The following KCNB2 variants were observed in gnomAD, a reference collection of about 807,000 sequenced individuals.
KCNB2 encodes the protein potassium voltage-gated channel subfamily B member 2.
In KCNB2, 15 loss-of-function variants were observed where a neutral mutation model predicts 61.5. The ratio of observed to expected loss-of-function variants is 0.24; its 90% CI spans 0.16 to 0.38. KCNB2 has a LOEUF of 0.38. Ranked by LOEUF, KCNB2 falls within the 10% of genes least tolerant of loss-of-function variation. KCNB2 has a pLI of 1.00. For missense variants in KCNB2, 828 were observed against 1,125.2 expected, an observed-to-expected ratio of 0.74 and a Z score of 3.78; for synonymous variants, 457 against 446.0, an observed-to-expected ratio of 1.02 and a Z score of -0.31.
intron 2 of KCNB2, among the ~76,000 whole-genome samples, chr8:72,828,804 C>T (rs1809641697): frequency 6.6e-6 from 1 of 152,198 alleles, no homozygotes; most frequent in African/African-American, 2.4e-5. Flanking sequence ...GTAAAACACA[C>T]ACTAGTAGTA....
intron 2 of KCNB2, among the ~76,000 whole-genome samples, chr8:72,656,708 A>G (rs968734401): frequency 1.3e-5 from 2 of 152,168 alleles, no homozygotes; most frequent in Admixed American, 1.3e-4. Context: ...AGGAAGTTTC[A>G]TGTTAAGGAA....
chr8:72,543,556 G>A (rs916001465), intron 1 of KCNB2, among the ~76,000 whole-genome samples: 4 of 152,216 alleles, frequency 2.6e-5, no homozygotes, highest in Admixed American at 6.5e-5. Context: ...CAGCATGATA[G>A]CTGGTGACAT....
chr8:72,930,575 G>T (rs1196179034), intron 2 of KCNB2, among the ~76,000 whole-genome samples: 7 of 152,138 alleles, frequency 4.6e-5, no homozygotes, highest in Non-Finnish European at 7.3e-5. Context: ...TCATGTGTCT[G>T]TTGGCTGCAT....
chr8:72,892,047 C>T (rs1018982121), intron 2 of KCNB2, among the ~76,000 whole-genome samples: 20 of 152,144 alleles, frequency 1.3e-4, no homozygotes, highest in African/African-American at 4.3e-4. Context: ...GGAGGGAAGC[C>T]GAAGATATTG....
intron 2 of KCNB2, among the ~76,000 whole-genome samples, chr8:72,920,488 T>TATA (rs57048446): frequency 1.2e-4 from 16 of 137,240 alleles, no homozygotes; most frequent in South Asian, 2.3e-4. Context: ...TATATATATA[T>TATA]TAGCTGGCCA....
intron 2 of KCNB2, among the ~76,000 whole-genome samples, chr8:72,763,548 A>G (rs1489139860): frequency 6.6e-6 from 1 of 152,200 alleles, no homozygotes; most frequent in Admixed American, 6.5e-5. Context: ...GCTGAAACAC[A>G]AAACCCAAGG....
chr8:72,732,898 C>T (rs58836193), intron 2 of KCNB2, among the ~76,000 whole-genome samples: 3,699 of 152,168 alleles, frequency 0.024, 63 homozygotes, highest in South Asian at 0.075. Flanking sequence ...TGGCTCACCT[C>T]TCTCCCCAAC....
intron 2 of KCNB2, among the ~76,000 whole-genome samples, chr8:72,914,855 C>T (rs143629161): frequency 1.1e-4 from 16 of 151,424 alleles, no homozygotes; most frequent in East Asian, 3.9e-4. Context: ...CATATCCTGA[C>T]GATTGAGGAG....
chr8:72,893,439 A>T (rs1160816844), intron 2 of KCNB2, among the ~76,000 whole-genome samples: 2 of 151,978 alleles, frequency 1.3e-5, no homozygotes, highest in South Asian at 4.1e-4. Flanking sequence ...CTATTTTAAT[A>T]AAAAAAACTT....
intron 2 of KCNB2, among the ~76,000 whole-genome samples, chr8:72,848,538 A>T (rs1309674168): frequency 2.0e-5 from 3 of 152,172 alleles, no homozygotes; most frequent in Non-Finnish European, 2.9e-5. Context: ...CTGTAAAGGA[A>T]ACTCTAAATG....
chr8:72,568,940 T>C (rs552612068), intron 2 of KCNB2, among the ~76,000 whole-genome samples: 1 of 152,222 alleles, frequency 6.6e-6, no homozygotes, highest in Admixed American at 6.5e-5. Context: ...TTTTTACAAT[T>C]GAGGTATTAC....
intron 2 of KCNB2, among the ~76,000 whole-genome samples, chr8:72,834,344 G>A (rs2958416): frequency 0.3 from 45,311 of 151,956 alleles, 9,127 homozygotes; most frequent in African/African-American, 0.56. Context: ...TTGGAGAACC[G>A]TTGCTACAGG....
chr8:72,937,239 C>G lies in KCNB2; in HGVS notation c.1884C>G (p.His628Gln), dbSNP rs528752259. 2 of 1,614,086 alleles carry G rather than the reference C, an allele frequency of 1.2e-6. No homozygotes were observed. The highest frequency in any genetic ancestry group is 2.7e-5 in the African/African-American group (2 of 75,046). Residue 628 changes from histidine (H) to glutamine (Q), a missense_variant, in exon 3 of 3, where the codon CAC becomes CAG. Coordinates refer to ENST00000523207, the MANE Select transcript of KCNB2 (RefSeq NM_004770.3). ...CGCTGCCGCCGCCCTCCGCCTCTCACTTGCAGATGAAGTTCCCAACCGACC... is the reference window on the plus strand; with the variant it reads ...CGCTGCCGCCGCCCTCCGCCTCTCAGTTGCAGATGAAGTTCCCAACCGACC... The part of the protein sequence containing the change: ...RSPLPPPSAS[H>Q]LQMKFPTDLP...
At chr8:72,619,044 C>A in intron 2 of KCNB2, 1 of 307,034 alleles carries the variant, frequency 3.3e-6, no homozygotes, top group Non-Finnish European at 6.4e-6. Context: ...GACTTTGACC[C>A]TTTCCAAAGA....
chr8:72,913,557 A>G (rs1180064148), intron 2 of KCNB2, among the ~76,000 whole-genome samples: 1 of 152,220 alleles, frequency 6.6e-6, no homozygotes, highest in Admixed American at 6.5e-5. Flanking sequence ...CTGGAGTCCT[A>G]CATTCCTCTC....
chr8:72,710,444 A>G (rs998609429), intron 2 of KCNB2, among the ~76,000 whole-genome samples: 3 of 152,050 alleles, frequency 2.0e-5, no homozygotes, highest in African/African-American at 7.3e-5. Flanking sequence ...GGCCTTAGTT[A>G]TCGTGCATGC....
At chr8:72,719,244 A>G (rs1352819812) in intron 2 of KCNB2, among the ~76,000 whole-genome samples, 1 of 152,164 alleles carries the variant, frequency 6.6e-6, no homozygotes, top group Non-Finnish European at 1.5e-5. Flanking sequence ...CCATGGTATT[A>G]GCCACATCTA....
intron 2 of KCNB2, among the ~76,000 whole-genome samples, chr8:72,578,993 C>T (rs185381449): frequency 2.6e-5 from 4 of 152,286 alleles, no homozygotes; most frequent in African/African-American, 9.6e-5. Context: ...TTCTCTAAGG[C>T]ACCATATTGC....
At chr8:72,849,812 T>C (rs1455547506) in intron 2 of KCNB2, among the ~76,000 whole-genome samples, 1 of 152,180 alleles carries the variant, frequency 6.6e-6, no homozygotes, top group Non-Finnish European at 1.5e-5. Flanking sequence ...CTCTGAAACA[T>C]AAGGCTTGGG....
Sources: gnomAD v4.1 joint callset for allele counts (sites outside exome capture counted in the v4.1 genomes callset) on GRCh38, gnomAD v4.1.1 for gene constraint, MANE v1.5 for transcripts, NCBI Gene and HGNC (gene_info 2026-07-23, HGNC 2026-07-21) for gene names.